MAP2: variants seen among roughly 807,000 people sequenced by gnomAD.
MAP2 encodes the protein microtubule-associated protein 2.
A neutral mutation model predicts 137.6 loss-of-function variants in MAP2; 14 were observed. The ratio of observed to expected loss-of-function variants is 0.10; its 90% CI spans 0.07 to 0.16. The LOEUF (loss-of-function observed/expected upper bound fraction) is 0.16, where lower values mean the gene tolerates loss of function less well. MAP2 is among the 10% of genes least tolerant of loss of function. The pLI, the probability that MAP2 is intolerant of heterozygous loss-of-function variation, is 1.00. For synonymous variants in MAP2, 786 were observed against 782.3 expected, an observed-to-expected ratio of 1.00 and a Z score of -0.08; for missense variants, 2,088 against 2,191.5, an observed-to-expected ratio of 0.95 and a Z score of 0.94.
rs771262443 is a variant in MAP2, at chr2:209,653,374, A to G, written c.204A>G (p.Ser68=). 1.9e-6 allele frequency: 3 copies of G among 1,613,916 alleles called. No homozygotes were observed. The South Asian group carries it at 3.3e-5, about 18-fold the overall frequency. ...FGEHGSQGTY[S]NTKENGINGE... Reference sequence around the variant, plus strand: ...AGCATGGGTCACAGGGCACCTATTCAAATACCAAAGAGAATGGGATCAACG... The same window carrying G: ...AGCATGGGTCACAGGGCACCTATTCGAATACCAAAGAGAATGGGATCAACG... The change falls in exon 5 of 16, where the codon TCA becomes TCG. Residue 68 remains serine, a synonymous_variant. Transcript: ENST00000682079.
intron 4 of MAP2, among the ~76,000 whole-genome samples, chr2:209,642,556 C>G (rs1047760463): frequency 6.6e-6 from 1 of 152,092 alleles, no homozygotes; most frequent in African/African-American, 2.4e-5. Context: ...TAGCAATAAC[C>G]TAATGTTATC....
intron 1 of MAP2, among the ~76,000 whole-genome samples, chr2:209,433,426 A>G (rs1254388143): frequency 2.0e-5 from 3 of 152,110 alleles, no homozygotes; most frequent in Non-Finnish European, 4.4e-5. Flanking sequence ...GGAGTCCAAC[A>G]GACACGGTAG....
intron 1 of MAP2, among the ~76,000 whole-genome samples, chr2:209,468,287 C>T (rs1488886948): frequency 1.4e-5 from 2 of 137,950 alleles, no homozygotes; most frequent in Non-Finnish European, 3.2e-5. Flanking sequence ...ACTAAAAAGT[C>T]TCATGGAGGA....
intron 2 of MAP2, among the ~76,000 whole-genome samples, chr2:209,561,610 C>T (rs565985743): frequency 2.0e-5 from 3 of 152,154 alleles, no homozygotes; most frequent in Non-Finnish European, 4.4e-5. Context: ...AAATTATAAG[C>T]ACACATCAAA....
At chr2:209,495,645 T>C (rs1021942833) in intron 1 of MAP2, among the ~76,000 whole-genome samples, 1 of 152,212 alleles carries the variant, frequency 6.6e-6, no homozygotes, top group Non-Finnish European at 1.5e-5. Flanking sequence ...GGATATTCAA[T>C]CTTTATAAGC....
chr2:209,689,263 A>G (rs11892713), intron 7 of MAP2, among the ~76,000 whole-genome samples: 1,712 of 152,136 alleles, frequency 0.011, 28 homozygotes, highest in African/African-American at 0.04. Flanking sequence ...TACAAAACTA[A>G]AAATGAGTGC....
At position 209,733,460 on chromosome 2, in the gene MAP2, CCACA is replaced by C. The variant is rs112861196; in HGVS notation, c.*3093_*3096del. On this transcript the variant is annotated 3_prime_UTR_variant, in exon 16 of 16. Transcript: ENST00000682079. ...AATGTACTGATTGTAGTGACCTTCTCCACACACACACACACACACACACACACAC... is the reference window on the plus strand; with the variant it reads ...AATGTACTGATTGTAGTGACCTTCTCCACACACACACACACACACACACAC... 113,400 of 148,126 alleles carry C rather than the reference CCACA, an allele frequency of 0.77. 44,176 individuals are homozygous for C. Among genetic ancestry groups the C allele is most frequent in the Admixed American group, 0.85 (12,613 of 14,816 alleles). The allele number at this position is 148,126 out of a possible 1,614,324, so 9.2% of individuals were successfully genotyped here. A position where few individuals can be genotyped will look rare whatever the true frequency, so the allele number is the denominator to read the frequency against.
At position 209,695,929 on chromosome 2, in the gene MAP2, C is replaced by T. The variant is rs765908535; in HGVS notation, c.3759C>T (p.Asp1253=). 6.2e-7 allele frequency: 1 copy of T among 1,613,968 alleles called. No individual in the cohort carries two copies. Among genetic ancestry groups the T allele is most frequent in the African/African-American group, 1.3e-5 (1 of 74,916 alleles). ...GEYDKLLFRS[D]TLQITDLGVS... The stretch of plus-strand genomic sequence containing the variant: ...ATGATAAACTGCTCTTCCGCTCAGA[C>T]ACCCTTCAGATAACTGACCTGGGTG... The change falls in exon 8 of 16, where the codon GAC becomes GAT. Residue 1253 remains aspartate, a synonymous_variant. Coordinates refer to ENST00000682079, the MANE Select transcript of MAP2 (RefSeq NM_001375505.1).
chr2:209,696,287 A>C lies in MAP2; in HGVS notation c.4117A>C (p.Lys1373Gln). Residue 1373 changes from lysine (K) to glutamine (Q), a missense_variant, in exon 8 of 16, where the codon AAA becomes CAA. This residue lies in a region of MAP2 where 591 missense variants were observed against 642.6 expected (regional missense o/e 0.92). Transcript: ENST00000682079. ...EYKTETYDDY[K>Q]DETTIDDSIM... is the part of the protein sequence containing the mutation. ...TAAGACAGAAACCTATGACGATTAC[A>C]AAGATGAGACCACCATTGACGACTC... 1 of 1,602,664 alleles carries C rather than the reference A, an allele frequency of 6.2e-7. No individual in the cohort carries two copies. The highest frequency in any genetic ancestry group is 8.5e-7 in the Non-Finnish European group (1 of 1,176,632).
chr2:209,592,151 A>G (rs1395666361), intron 3 of MAP2, among the ~76,000 whole-genome samples: 3 of 152,222 alleles, frequency 2.0e-5, no homozygotes, highest in Admixed American at 6.5e-5. Context: ...AAAGGGGCAG[A>G]TAGTAAATAT....
At chr2:209,644,935 T>A (rs1010401106) in intron 4 of MAP2, among the ~76,000 whole-genome samples, 1 of 152,212 alleles carries the variant, frequency 6.6e-6, no homozygotes, top group Non-Finnish European at 1.5e-5. Context: ...AATTCAAAAT[T>A]CATCAATAGC....
chr2:209,572,894 A>C (rs1472640146), intron 2 of MAP2, among the ~76,000 whole-genome samples: 2 of 152,164 alleles, frequency 1.3e-5, no homozygotes, highest in East Asian at 3.9e-4. Flanking sequence ...TTGTCTTTCA[A>C]CTCCTGACCA....
intron 12 of MAP2, among the ~76,000 whole-genome samples, chr2:209,707,996 T>C (rs1409165448): frequency 1.3e-5 from 2 of 152,172 alleles, no homozygotes; most frequent in Non-Finnish European, 2.9e-5. Flanking sequence ...ATATGTTGTC[T>C]ACCTACTGTT....
intron 2 of MAP2, among the ~76,000 whole-genome samples, chr2:209,559,399 C>T (rs369161565): frequency 4.7e-5 from 7 of 148,244 alleles, no homozygotes; most frequent in East Asian, 4.0e-4. Flanking sequence ...TTTGGGAGGC[C>T]GAGGCAGGCA....
intron 3 of MAP2, among the ~76,000 whole-genome samples, chr2:209,583,515 T>C (rs2077006509): frequency 6.6e-6 from 1 of 151,842 alleles, no homozygotes; most frequent in Non-Finnish European, 1.5e-5. Context: ...GGCAGAAGAA[T>C]GTTCAAGTGA....
intron 1 of MAP2, among the ~76,000 whole-genome samples, chr2:209,491,074 A>G: frequency 6.6e-6 from 1 of 152,210 alleles, no homozygotes; most frequent in Non-Finnish European, 1.5e-5. Context: ...AGCAAATGCA[A>G]AAGAACACAA....
At chr2:209,714,244 A>T (rs957804854) in intron 13 of MAP2, among the ~76,000 whole-genome samples, 2 of 152,168 alleles carry the variant, frequency 1.3e-5, no homozygotes, top group Non-Finnish European at 2.9e-5. Flanking sequence ...CACAAGTTAT[A>T]TGCGCTTGTA....
chr2:209,700,815 A>G (rs1559611982), intron 11 of MAP2, among the ~76,000 whole-genome samples: 1 of 152,112 alleles, frequency 6.6e-6, no homozygotes, highest in Non-Finnish European at 1.5e-5. Context: ...TTGATGTAAA[A>G]TCCTAATTTT....
intron 3 of MAP2, among the ~76,000 whole-genome samples, chr2:209,593,231 T>C (rs764913566): frequency 1.2e-4 from 18 of 152,268 alleles, no homozygotes; most frequent in Non-Finnish European, 2.4e-4. Context: ...TCTCTCTTCT[T>C]TCCTGAATCA....
Sources: gnomAD v4.1 joint callset for allele counts (sites outside exome capture counted in the v4.1 genomes callset) on GRCh38, gnomAD v4.1.1 for gene constraint, gnomAD v4.1.1 regional missense constraint, MANE v1.5 for transcripts, NCBI Gene and HGNC (gene_info 2026-07-23, HGNC 2026-07-21) for gene names.